The following SKAP1 variants were observed in gnomAD, a reference collection of about 807,000 sequenced individuals.
The protein encoded by SKAP1 is src kinase associated phosphoprotein 1, also known as src kinase-associated phosphoprotein 1.
SKAP1 carries 44 observed loss-of-function variants against 58.5 expected under a neutral mutation model. The ratio of observed to expected loss-of-function variants is 0.75; its 90% CI spans 0.59 to 0.97. The LOEUF (loss-of-function observed/expected upper bound fraction) is 0.97, where lower values mean the gene tolerates loss of function less well. SKAP1 is among the 50% of genes least tolerant of loss of function. The pLI, the probability that SKAP1 is intolerant of heterozygous loss-of-function variation, is 0.00. For synonymous variants in SKAP1, 127 were observed against 149.7 expected (o/e 0.85, Z 1.11); for missense variants, 390 against 435.2 (o/e 0.90, Z 0.92).
At chr17:48,166,247 A>C (rs1462460674) in intron 10 of SKAP1, among the ~76,000 whole-genome samples, 1 of 152,238 alleles carries the variant, frequency 6.6e-6, no homozygotes, top group Non-Finnish European at 1.5e-5. Context: ...AACTCCAAGC[A>C]ACCAAAATGT....
At chr17:48,199,571 T>C (rs117543116) in intron 4 of SKAP1, among the ~76,000 whole-genome samples, 2,888 of 152,342 alleles carry the variant, frequency 0.019, 42 homozygotes, top group Non-Finnish European at 0.029. Context: ...CCCTCTTCTG[T>C]GCTTCTATAG....
At chr17:48,335,567 T>A (rs1437455130) in intron 4 of SKAP1, among the ~76,000 whole-genome samples, 1 of 152,094 alleles carries the variant, frequency 6.6e-6, no homozygotes, top group Non-Finnish European at 1.5e-5. Flanking sequence ...ATATCTGAAA[T>A]GTGTCCACCA....
At chr17:48,289,049 A>C (rs992992792) in intron 4 of SKAP1, among the ~76,000 whole-genome samples, 1 of 152,144 alleles carries the variant, frequency 6.6e-6, no homozygotes, top group African/African-American at 2.4e-5. Context: ...AATTATTATA[A>C]AGTGGTGAAA....
intron 4 of SKAP1, among the ~76,000 whole-genome samples, chr17:48,315,371 A>G (rs1389576014): frequency 6.6e-6 from 1 of 152,202 alleles, no homozygotes; most frequent in Non-Finnish European, 1.5e-5. Context: ...TTCCCTGTGC[A>G]TGCTCATTTT....
intron 4 of SKAP1, among the ~76,000 whole-genome samples, chr17:48,218,618 A>G (rs2064967779): frequency 6.6e-6 from 1 of 152,212 alleles, no homozygotes; most frequent in Admixed American, 6.5e-5. Flanking sequence ...CTCTGATGAA[A>G]ATGCAAAGAA....
intron 4 of SKAP1, among the ~76,000 whole-genome samples, chr17:48,338,996 T>C (rs2066613104): frequency 6.6e-6 from 1 of 152,190 alleles, no homozygotes; most frequent in African/African-American, 2.4e-5. Context: ...AAGTCCTTAA[T>C]TTCTCCCAAT....
chr17:48,311,928 T>C (rs1012360807), intron 4 of SKAP1, among the ~76,000 whole-genome samples: 1 of 152,050 alleles, frequency 6.6e-6, no homozygotes, highest in African/African-American at 2.4e-5. Flanking sequence ...ACAAGGAAAA[T>C]CATGAGCAAA....
intron 4 of SKAP1, among the ~76,000 whole-genome samples, chr17:48,333,788 T>A (rs2066534047): frequency 6.6e-6 from 1 of 152,096 alleles, no homozygotes; most frequent in African/African-American, 2.4e-5. Flanking sequence ...TAGGGAATTT[T>A]AATGAATCCA....
At chr17:48,229,332 A>G (rs542786094) in intron 4 of SKAP1, among the ~76,000 whole-genome samples, 20 of 152,140 alleles carry the variant, frequency 1.3e-4, no homozygotes, top group Admixed American at 3.3e-4. Flanking sequence ...ATCATAAAAC[A>G]TTTGCGGGCC....
At chr17:48,135,860 A>C (rs1270281370) in intron 12 of SKAP1, among the ~76,000 whole-genome samples, 1 of 152,146 alleles carries the variant, frequency 6.6e-6, no homozygotes, top group Non-Finnish European at 1.5e-5. Flanking sequence ...AGGAATCCTC[A>C]TATTGGATTC....
At chr17:48,309,313 G>A (rs2066190672) in intron 4 of SKAP1, among the ~76,000 whole-genome samples, 1 of 152,030 alleles carries the variant, frequency 6.6e-6, no homozygotes, top group South Asian at 2.1e-4. Context: ...GCTTACTCAT[G>A]CCAGAATATA....
chr17:48,267,790 G>T (rs979326182), intron 4 of SKAP1, among the ~76,000 whole-genome samples: 2 of 152,140 alleles, frequency 1.3e-5, no homozygotes, highest in African/African-American at 4.8e-5. Flanking sequence ...GTTAGGAAGG[G>T]TAATTACAGA....
At chr17:48,403,581 G>C (rs544332218) in intron 1 of SKAP1, among the ~76,000 whole-genome samples, 12 of 152,036 alleles carry the variant, frequency 7.9e-5, no homozygotes, top group Non-Finnish European at 1.8e-4. Flanking sequence ...ACAGCAACAA[G>C]AACAACAAAA....
intron 4 of SKAP1, among the ~76,000 whole-genome samples, chr17:48,257,418 A>C (rs971118315): frequency 3.3e-5 from 5 of 152,072 alleles, no homozygotes; most frequent in Non-Finnish European, 7.4e-5. Flanking sequence ...AAGGTATTAT[A>C]ATTATAGCAG....
chr17:48,398,716 G>A (rs899383153), intron 1 of SKAP1, among the ~76,000 whole-genome samples: 8 of 152,042 alleles, frequency 5.3e-5, no homozygotes, highest in African/African-American at 7.2e-5. Context: ...GGTGGCTCAC[G>A]CCTGTAATCT....
At chr17:48,273,395 G>C (rs1207608495) in intron 4 of SKAP1, among the ~76,000 whole-genome samples, 5 of 150,636 alleles carry the variant, frequency 3.3e-5, no homozygotes, top group Non-Finnish European at 4.4e-5. Context: ...GTTTCCCAAG[G>C]GCTATATATG....
chr17:48,286,724 G>A (rs1405077307), intron 4 of SKAP1, among the ~76,000 whole-genome samples: 1 of 152,200 alleles, frequency 6.6e-6, no homozygotes, highest in Non-Finnish European at 1.5e-5. Flanking sequence ...AAGAGCAAGA[G>A]TTCTTTTGGC....
At chr17:48,400,326 T>C (rs187238866) in intron 1 of SKAP1, among the ~76,000 whole-genome samples, 1 of 152,210 alleles carries the variant, frequency 6.6e-6, no homozygotes, top group Admixed American at 6.5e-5. Context: ...CTCAAACTCC[T>C]GACCTCAGGT....
At chr17:48,401,558 T>G (rs1178196669) in intron 1 of SKAP1, among the ~76,000 whole-genome samples, 1 of 152,046 alleles carries the variant, frequency 6.6e-6, no homozygotes, top group Non-Finnish European at 1.5e-5. Flanking sequence ...CTGAGACAAC[T>G]GAGTATACAC....
Sources: allele counts gnomAD v4.1 joint callset (sites outside exome capture counted in the v4.1 genomes callset), GRCh38; gene constraint gnomAD v4.1.1; transcripts MANE v1.5; gene names NCBI Gene and HGNC (gene_info 2026-07-23, HGNC 2026-07-21).